Variants in RBFOX1 observed in about 807,000 individuals in gnomAD.
RBFOX1 encodes RNA binding protein fox-1 homolog 1.
Under a neutral mutation model 57.7 loss-of-function variants are expected in RBFOX1, and 8 were observed. That is an observed-to-expected ratio of 0.14 (90% CI 0.08 to 0.25). RBFOX1 has a LOEUF of 0.25. Among genes scored for constraint, RBFOX1 ranks in the 10% least tolerant of loss-of-function variants. The probability of loss-of-function intolerance (pLI) is 1.00; values close to 1 mark genes in which losing one functional copy is unlikely to be tolerated. For synonymous variants in RBFOX1, 326 were observed against 222.4 expected (o/e 1.47, Z -4.15); for missense variants, 611 against 548.5 (o/e 1.11, Z -1.14).
intron 3 of RBFOX1, among the ~76,000 whole-genome samples, chr16:5,686,796 A>C (rs781523134): frequency 6.6e-6 from 1 of 152,070 alleles, no homozygotes; most frequent in Admixed American, 6.5e-5. Flanking sequence ...TTGGCTATCA[A>C]TTAGTCAGCA....
At chr16:6,985,788 G>C (rs545178809) in intron 3 of RBFOX1, among the ~76,000 whole-genome samples, 40 of 141,820 alleles carry the variant, frequency 2.8e-4, no homozygotes, top group Middle Eastern at 3.9e-3. Flanking sequence ...GAGCTTAGTT[G>C]GTGCTACTGC....
chr16:7,564,267 T>C (rs1375949810), intron 5 of RBFOX1, among the ~76,000 whole-genome samples: 1 of 152,082 alleles, frequency 6.6e-6, no homozygotes, highest in Non-Finnish European at 1.5e-5. Context: ...AAGCCGGGCG[T>C]GGTGGCTCAC....
intron 1 of RBFOX1, among the ~76,000 whole-genome samples, chr16:6,302,651 G>C (rs151305041): frequency 1.3e-5 from 2 of 151,996 alleles, no homozygotes; most frequent in Non-Finnish European, 2.9e-5. Context: ...GGATGCATAC[G>C]AACCAGGTCA....
intron 1 of RBFOX1, among the ~76,000 whole-genome samples, chr16:6,030,361 C>G (rs1051294094): frequency 1.3e-5 from 2 of 152,156 alleles, no homozygotes; most frequent in Non-Finnish European, 2.9e-5. Flanking sequence ...TCCATGTTCC[C>G]TTTTCACAAA....
chr16:6,474,136 T>G (rs1045888367), intron 2 of RBFOX1, among the ~76,000 whole-genome samples: 2 of 152,068 alleles, frequency 1.3e-5, no homozygotes, highest in Non-Finnish European at 2.9e-5. Context: ...CAGTCTATCC[T>G]TGATGGGAGG....
chr16:5,933,050 G>C (rs1034495173), intron 4 of RBFOX1, among the ~76,000 whole-genome samples: 3 of 152,244 alleles, frequency 2.0e-5, no homozygotes, highest in African/African-American at 7.2e-5. Context: ...GGAAGCTGCA[G>C]CAGCCTTAGG....
At chr16:6,917,304 G>A (rs966766030) in intron 3 of RBFOX1, among the ~76,000 whole-genome samples, 1 of 152,218 alleles carries the variant, frequency 6.6e-6, no homozygotes, top group African/African-American at 2.4e-5. Flanking sequence ...ACACTGAACA[G>A]AGGATGTCAC....
chr16:6,753,078 TAAA>T (rs35392674), intron 3 of RBFOX1, among the ~76,000 whole-genome samples: 1 of 151,710 alleles, frequency 6.6e-6, no homozygotes, highest in African/African-American at 2.4e-5. Flanking sequence ...AGTAATGGCA[TAAA>T]AAAATACAAA....
intron 1 of RBFOX1, among the ~76,000 whole-genome samples, chr16:6,065,648 C>G (rs906285005): frequency 2.0e-5 from 3 of 152,194 alleles, no homozygotes; most frequent in Admixed American, 2.0e-4. Context: ...TTTCATTTCT[C>G]CTCGTCTTTG....
At chr16:6,164,643 T>C (rs2096903402) in intron 1 of RBFOX1, among the ~76,000 whole-genome samples, 1 of 150,774 alleles carries the variant, frequency 6.6e-6, no homozygotes, top group Non-Finnish European at 1.5e-5. Context: ...ATTTTTGTTT[T>C]GTTTTGTTTT....
chr16:6,716,049 C>G (rs766089946), intron 3 of RBFOX1, among the ~76,000 whole-genome samples: 30 of 152,248 alleles, frequency 2.0e-4, no homozygotes, highest in Non-Finnish European at 4.1e-4. Context: ...TTTGTGAGCT[C>G]ACACTGCTCA....
intron 3 of RBFOX1, among the ~76,000 whole-genome samples, chr16:5,821,495 G>A (rs1194557084): frequency 1.3e-5 from 2 of 151,980 alleles, no homozygotes; most frequent in Admixed American, 6.5e-5. Context: ...TAGACATGAG[G>A]TCTTGCTATG....
intron 3 of RBFOX1, among the ~76,000 whole-genome samples, chr16:6,734,830 A>G (rs1352851659): frequency 2.0e-5 from 3 of 152,210 alleles, no homozygotes; most frequent in African/African-American, 7.2e-5. Context: ...GCATAAAGCA[A>G]AACAGGTGCA....
intron 2 of RBFOX1, among the ~76,000 whole-genome samples, chr16:6,499,899 T>C (rs747497158): frequency 2.0e-5 from 3 of 152,126 alleles, no homozygotes; most frequent in Non-Finnish European, 4.4e-5. Flanking sequence ...GGTAAAAGGA[T>C]GTGGTAAGGG....
At position 5,409,321 on chromosome 16, in the gene RBFOX1, G is replaced by C. The variant is rs182246158; in HGVS notation, c.220-57895G>C. On this transcript the variant is annotated intron_variant, in intron 1 of 2. Coordinates refer to the RBFOX1 transcript ENST00000585867. Reference sequence around the variant, plus strand: ...CCCCCCAGGTGTGTCCACTCCTAGAGCTCACTGACCTCCTTCAAGGTGGTG... The same window carrying C: ...CCCCCCAGGTGTGTCCACTCCTAGACCTCACTGACCTCCTTCAAGGTGGTG... Among the ~76,000 whole-genome samples, 321 of 152,300 alleles carry C rather than the reference G, an allele frequency of 2.1e-3. 2 individuals carry two copies. The highest frequency in any genetic ancestry group is 7.3e-3 in the African/African-American group (302 of 41,566).
At chr16:7,389,453 T>C (rs2097951479) in intron 4 of RBFOX1, among the ~76,000 whole-genome samples, 3 of 152,186 alleles carry the variant, frequency 2.0e-5, no homozygotes, top group South Asian at 4.1e-4. Context: ...GAAATGTTGA[T>C]TGGGGTGTGC....
chr16:6,188,705 G>T (rs2097123304), intron 1 of RBFOX1, among the ~76,000 whole-genome samples: 1 of 152,184 alleles, frequency 6.6e-6, no homozygotes, highest in South Asian at 2.1e-4. Flanking sequence ...AGACTACACT[G>T]AATGAAGTGG....
rs577740282 is a variant in RBFOX1 at position 6,843,732 on chromosome 16, C to A, written c.-16+189082C>A. Among the ~76,000 whole-genome samples the A allele has an allele frequency of 8.5e-5, 13 of 152,216 alleles. No homozygotes were observed. The East Asian group carries it at 1.2e-3, about 14-fold the overall frequency. On this transcript the variant is annotated intron_variant, in intron 3 of 15. Transcript: ENST00000550418. ...TATAAAAAAGCTTTACAGGTAGTTCCTTTTCACATATAAATTAAGTTAGTA... is the reference window on the plus strand; with the variant it reads ...TATAAAAAAGCTTTACAGGTAGTTCATTTTCACATATAAATTAAGTTAGTA...
intron 4 of RBFOX1, among the ~76,000 whole-genome samples, chr16:5,918,708 C>G (rs140397028): frequency 6.6e-6 from 1 of 152,192 alleles, no homozygotes; most frequent in Non-Finnish European, 1.5e-5. Context: ...TCCAGAGTTA[C>G]AAAGTACCCA....
Sources: allele counts gnomAD v4.1 joint callset (sites outside exome capture counted in the v4.1 genomes callset), GRCh38; gene constraint gnomAD v4.1.1; transcripts MANE v1.5; gene names NCBI Gene and HGNC (gene_info 2026-07-23, HGNC 2026-07-21).